MACROD2: variants seen among roughly 807,000 people sequenced by gnomAD.
MACROD2 encodes the protein ADP-ribose glycohydrolase MACROD2.
MACROD2 carries 36 observed loss-of-function variants against 70.4 expected under a neutral mutation model. The ratio of observed to expected loss-of-function variants is 0.51; its 90% CI spans 0.39 to 0.68. MACROD2 has a LOEUF of 0.68. Ranked by LOEUF, MACROD2 falls within the 30% of genes least tolerant of loss-of-function variation. MACROD2 has a pLI of 0.00. For missense variants in MACROD2, 496 were observed against 538.4 expected, an observed-to-expected ratio of 0.92 and a Z score of 0.78; for synonymous variants, 172 against 178.8, an observed-to-expected ratio of 0.96 and a Z score of 0.30.
At chr20:14,802,557 C>A (rs575875605) in intron 5 of MACROD2, among the ~76,000 whole-genome samples, 2 of 152,046 alleles carry the variant, frequency 1.3e-5, no homozygotes, top group South Asian at 2.1e-4. Flanking sequence ...ATCTAGTGTA[C>A]ATGCTGAGTG....
intron 3 of MACROD2, among the ~76,000 whole-genome samples, chr20:14,428,087 C>G: frequency 6.6e-6 from 1 of 152,002 alleles, no homozygotes; most frequent in Non-Finnish European, 1.5e-5. Flanking sequence ...TCTATAATCT[C>G]AAATGTAATT....
At chr20:14,795,310 G>A (rs1461917070) in intron 5 of MACROD2, among the ~76,000 whole-genome samples, 1 of 152,058 alleles carries the variant, frequency 6.6e-6, no homozygotes, top group Non-Finnish European at 1.5e-5. Flanking sequence ...AACAGAGAGA[G>A]TATGAGGAGA....
chr20:14,166,373 T>C (rs2055270734), intron 3 of MACROD2, among the ~76,000 whole-genome samples: 1 of 151,972 alleles, frequency 6.6e-6, no homozygotes, highest in Non-Finnish European at 1.5e-5. Flanking sequence ...TTGCATCTGT[T>C]TCTTCATCTG....
intron 8 of MACROD2, among the ~76,000 whole-genome samples, chr20:15,505,297 A>G (rs2047412171): frequency 2.6e-5 from 4 of 152,158 alleles, no homozygotes; most frequent in Admixed American, 6.5e-5. Flanking sequence ...GTCAGGGAAT[A>G]CGGCTTCTAA....
intron 13 of MACROD2, among the ~76,000 whole-genome samples, chr20:15,979,915 A>C (rs911276073): frequency 2.6e-5 from 4 of 152,210 alleles, no homozygotes; most frequent in African/African-American, 9.6e-5. Context: ...ACCAAGTTGT[A>C]GAAGGAAGGG....
chr20:16,043,213 A>G (rs927600825), intron 16 of MACROD2, among the ~76,000 whole-genome samples: 11 of 152,046 alleles, frequency 7.2e-5, no homozygotes, highest in Non-Finnish European at 1.5e-4. Context: ...GACATGGCTA[A>G]CTAGAAGTGG....
At chr20:14,662,344 G>T (rs941639137) in intron 4 of MACROD2, among the ~76,000 whole-genome samples, 4 of 152,036 alleles carry the variant, frequency 2.6e-5, no homozygotes. Context: ...AACTCAAAAT[G>T]GATTAGAGAC....
At chr20:14,948,777 A>G (rs921024216) in intron 5 of MACROD2, among the ~76,000 whole-genome samples, 2 of 152,204 alleles carry the variant, frequency 1.3e-5, no homozygotes, top group African/African-American at 2.4e-5. Flanking sequence ...GACAAAGGCT[A>G]TGTCAAGTGC....
chr20:15,962,888 G>A (rs1243815832), intron 12 of MACROD2, among the ~76,000 whole-genome samples: 1 of 152,114 alleles, frequency 6.6e-6, no homozygotes, highest in East Asian at 1.9e-4. Context: ...GCTTCACTGG[G>A]ACCAAGCACA....
intron 5 of MACROD2, among the ~76,000 whole-genome samples, chr20:15,059,749 C>T (rs746957037): frequency 6.6e-6 from 1 of 152,162 alleles, no homozygotes; most frequent in African/African-American, 2.4e-5. Flanking sequence ...AAAACACTTG[C>T]AAAAGAGAAC....
At chr20:14,947,163 C>T (rs927948019) in intron 5 of MACROD2, among the ~76,000 whole-genome samples, 2 of 152,176 alleles carry the variant, frequency 1.3e-5, no homozygotes, top group Non-Finnish European at 2.9e-5. Context: ...CTCACAGATT[C>T]GCCGAGCAAG....
intron 5 of MACROD2, among the ~76,000 whole-genome samples, chr20:14,871,326 A>G (rs1171694991): frequency 1.3e-5 from 2 of 152,180 alleles, no homozygotes; most frequent in Non-Finnish European, 2.9e-5. Context: ...CGCTCGGCTG[A>G]AACTCAGCAT....
intron 5 of MACROD2, among the ~76,000 whole-genome samples, chr20:15,101,322 A>G (rs1235437541): frequency 1.3e-5 from 2 of 151,982 alleles, no homozygotes; most frequent in Admixed American, 6.6e-5. Flanking sequence ...TCAATTTCCT[A>G]TCAGTCTAGA....
At chr20:14,767,398 G>C (rs1306065664) in intron 5 of MACROD2, among the ~76,000 whole-genome samples, 5 of 151,970 alleles carry the variant, frequency 3.3e-5, no homozygotes, top group Non-Finnish European at 1.5e-5. Flanking sequence ...ATGAAAGACT[G>C]AGAGAAACTT....
chr20:15,448,963 T>C (rs1429818657), intron 7 of MACROD2, among the ~76,000 whole-genome samples: 1 of 152,136 alleles, frequency 6.6e-6, no homozygotes, highest in Non-Finnish European at 1.5e-5. Flanking sequence ...AGACCTTGAA[T>C]AACTCAGAGC....
chr20:14,627,467 T>C (rs1984246666), intron 4 of MACROD2, among the ~76,000 whole-genome samples: 1 of 152,112 alleles, frequency 6.6e-6, no homozygotes, highest in Non-Finnish European at 1.5e-5. Context: ...CTGTTGTAAG[T>C]GCCTTGTAGT....
At chr20:14,720,585 C>T (rs549003618) in intron 5 of MACROD2, among the ~76,000 whole-genome samples, 5 of 81,636 alleles carry the variant, frequency 6.1e-5, no homozygotes, top group African/African-American at 9.8e-5. Flanking sequence ...GGCAGAGTCT[C>T]GCTCTGTTGC....
chr20:15,995,974 G>A (rs1407351916), intron 15 of MACROD2, among the ~76,000 whole-genome samples: 1 of 152,056 alleles, frequency 6.6e-6, no homozygotes, highest in Non-Finnish European at 1.5e-5. Flanking sequence ...ATGAACACGA[G>A]AGTGCAGACA....
chr20:15,500,219 G>T (rs1334064344), intron 8 of MACROD2, among the ~76,000 whole-genome samples: 4 of 152,122 alleles, frequency 2.6e-5, no homozygotes, highest in Non-Finnish European at 5.9e-5. Flanking sequence ...GAGGTTCCTG[G>T]TGTACAGTAA....
Sources: gnomAD v4.1 joint callset for allele counts (sites outside exome capture counted in the v4.1 genomes callset) on GRCh38, gnomAD v4.1.1 for gene constraint, MANE v1.5 for transcripts, NCBI Gene and HGNC (gene_info 2026-07-23, HGNC 2026-07-21) for gene names.